HHAT: variants seen among roughly 807,000 people sequenced by gnomAD.
HHAT encodes hedgehog acyltransferase, also known as protein-cysteine N-palmitoyltransferase HHAT.
In HHAT, 47 loss-of-function variants were observed where a neutral mutation model predicts 70.8. The observed-to-expected ratio is 0.66, with a 90% CI of 0.53 to 0.85. The LOEUF (loss-of-function observed/expected upper bound fraction) is 0.85, where lower values mean the gene tolerates loss of function less well. Ranked by LOEUF, HHAT falls within the 40% of genes least tolerant of loss-of-function variation. The probability of loss-of-function intolerance (pLI) is 0.00; values close to 1 mark genes in which losing one functional copy is unlikely to be tolerated. For synonymous variants in HHAT, 228 were observed against 247.6 expected (o/e 0.92, Z 0.74); for missense variants, 609 against 604.8 (o/e 1.01, Z -0.07).
chr1:210,620,658 G>A (rs1668640084), intron 10 of HHAT, among the ~76,000 whole-genome samples: 1 of 152,022 alleles, frequency 6.6e-6, no homozygotes, highest in Non-Finnish European at 1.5e-5. Flanking sequence ...ACTCACCCTG[G>A]GGGATAATCA....
chr1:210,340,318 T>C (rs1392573354), intron 1 of HHAT, among the ~76,000 whole-genome samples: 1 of 149,778 alleles, frequency 6.7e-6, no homozygotes, highest in Non-Finnish European at 1.5e-5. Flanking sequence ...CTGGACTTGG[T>C]GGTTTTCTTG....
intron 11 of HHAT, among the ~76,000 whole-genome samples, chr1:210,637,187 T>G (rs1672026719): frequency 6.6e-6 from 1 of 152,158 alleles, no homozygotes; most frequent in Non-Finnish European, 1.5e-5. Flanking sequence ...CCATTTTTCT[T>G]CTATCAAAAT....
intron 7 of HHAT, among the ~76,000 whole-genome samples, chr1:210,450,747 G>A (rs757764130): frequency 3.9e-5 from 6 of 151,916 alleles, no homozygotes; most frequent in Non-Finnish European, 8.8e-5. Context: ...TTGAAAATTA[G>A]CTGAGGATTT....
intron 5 of HHAT, among the ~76,000 whole-genome samples, chr1:210,401,355 C>T (rs1244781614): frequency 6.6e-6 from 1 of 152,220 alleles, no homozygotes; most frequent in Non-Finnish European, 1.5e-5. Flanking sequence ...TTCATGTGAT[C>T]TGCCCACCTT....
intron 1 of HHAT, among the ~76,000 whole-genome samples, chr1:210,332,952 G>A (rs924262106): frequency 2.0e-5 from 3 of 152,186 alleles, no homozygotes; most frequent in Non-Finnish European, 2.9e-5. Context: ...TTCGGCTAGG[G>A]TTAGCTTGTG....
chr1:210,622,991 C>T (rs181279925), intron 10 of HHAT, among the ~76,000 whole-genome samples: 2 of 152,172 alleles, frequency 1.3e-5, no homozygotes, highest in Non-Finnish European at 2.9e-5. Flanking sequence ...GGGAAGCCCT[C>T]GCATTTTGTT....
intron 6 of HHAT, among the ~76,000 whole-genome samples, chr1:210,416,248 G>A (rs2092717978): frequency 6.6e-6 from 1 of 152,240 alleles, no homozygotes; most frequent in South Asian, 2.1e-4. Context: ...TGATGATGGA[G>A]GAGAGAGAAG....
At chr1:210,594,445 T>G (rs1015734755) in intron 10 of HHAT, among the ~76,000 whole-genome samples, 6 of 152,174 alleles carry the variant, frequency 3.9e-5, no homozygotes, top group African/African-American at 1.4e-4. Context: ...ATAAAAACTC[T>G]ACACTTTAAC....
chr1:210,542,377 C>A (rs2095438765), intron 9 of HHAT, among the ~76,000 whole-genome samples: 1 of 152,030 alleles, frequency 6.6e-6, no homozygotes, highest in East Asian at 1.9e-4. Flanking sequence ...ATTTTGATTT[C>A]TTTACAATTC....
chr1:210,563,155 C>T lies in HHAT; in HGVS notation c.1044-24743C>T, dbSNP rs142697695. On this transcript the variant is annotated intron_variant, in intron 9 of 11. Transcript: ENST00000261458. ...TTAATGCTTCTGGGTCAAGTGATTC[C>T]GCCTGTGGTAAGTACCTAGAGGGAA... is the stretch of plus-strand genomic sequence containing the variant. 3.4e-3 allele frequency among the ~76,000 whole-genome samples: 518 copies of T among 152,094 alleles called. 3 individuals are homozygous for T. Among genetic ancestry groups the T allele is most frequent in the Admixed American group, 4.8e-3 (73 of 15,270 alleles).
Position 210,491,306 on chromosome 1 carries a change from A to G in HHAT, c.1008-21847A>G, listed in dbSNP as rs946575635. On this transcript the variant is annotated intron_variant, in intron 8 of 11. Transcript: ENST00000261458. ...CACAAATGCTGAGTGAAATTTTTCT[A>G]GAAGATAAATAAGTCTCTATCCAGT... is the stretch of plus-strand genomic sequence containing the variant. 3.9e-5 allele frequency among the ~76,000 whole-genome samples: 6 copies of G among 152,138 alleles called. 1 individual carries two copies. The highest frequency in any genetic ancestry group is 1.4e-4 in the African/African-American group (6 of 41,430).
intron 9 of HHAT, among the ~76,000 whole-genome samples, chr1:210,534,074 C>T (rs1028101562): frequency 2.0e-5 from 3 of 152,170 alleles, no homozygotes; most frequent in South Asian, 4.1e-4. Flanking sequence ...GACATCTTTC[C>T]ATACTGGCTA....
chr1:210,631,955 C>T (rs1044607107), intron 11 of HHAT, among the ~76,000 whole-genome samples: 14 of 152,346 alleles, frequency 9.2e-5, no homozygotes, highest in Middle Eastern at 3.4e-3. Context: ...CCTGTTTTGT[C>T]AGCACCTGTT....
chr1:210,343,234 T>G (rs986104300), intron 1 of HHAT, among the ~76,000 whole-genome samples: 6 of 152,132 alleles, frequency 3.9e-5, no homozygotes, highest in Non-Finnish European at 7.3e-5. Flanking sequence ...TACCTCCTCC[T>G]CCCTGCTCTT....
chr1:210,650,451 AAATAG>A (rs1218362338), intron 11 of HHAT, among the ~76,000 whole-genome samples: 2 of 152,210 alleles, frequency 1.3e-5, no homozygotes, highest in Non-Finnish European at 1.5e-5. Flanking sequence ...GAGTGTGCTG[AAATAG>A]AATTTTCAAA....
At chr1:210,400,420 T>C in intron 4 of HHAT, 48 bp from the exon 5 acceptor site, 1 of 1,516,814 alleles carries the variant, frequency 6.6e-7, no homozygotes, top group Non-Finnish European at 8.9e-7. Flanking sequence ...TTTTCCTCCC[T>C]CCCCTCTTCC....
chr1:210,471,369 C>T lies in HHAT; in HGVS notation c.1007+6714C>T, dbSNP rs560945239. 2.6e-5 allele frequency among the ~76,000 whole-genome samples: 4 copies of T among 151,934 alleles called. No individual in the cohort carries two copies. The East Asian group carries it at 5.8e-4, about 22-fold the overall frequency. Reference sequence around the variant, plus strand: ...AGTGTTTGCCTTTCTTACTTTATGACTGTCATTATTTTATCAGATGTTGTG... The same window carrying T: ...AGTGTTTGCCTTTCTTACTTTATGATTGTCATTATTTTATCAGATGTTGTG... On this transcript the variant is annotated intron_variant, in intron 8 of 11. Transcript: ENST00000261458.
chr1:210,557,838 C>T (rs574696597), intron 9 of HHAT, among the ~76,000 whole-genome samples: 28 of 152,210 alleles, frequency 1.8e-4, no homozygotes, highest in Non-Finnish European at 3.2e-4. Context: ...ACAGCCAAAC[C>T]CTATCACCTG....
chr1:210,665,710 A>G (rs939452738), intron 11 of HHAT, among the ~76,000 whole-genome samples: 19 of 152,232 alleles, frequency 1.2e-4, no homozygotes, highest in African/African-American at 4.6e-4. Context: ...TGTTTTCCAC[A>G]TAGGACTCAA....
Sources: allele counts gnomAD v4.1 joint callset (sites outside exome capture counted in the v4.1 genomes callset), GRCh38; gene constraint gnomAD v4.1.1; transcripts MANE v1.5; gene names NCBI Gene and HGNC (gene_info 2026-07-23, HGNC 2026-07-21).